ABCC9: variants seen among roughly 807,000 people sequenced by gnomAD.
ABCC9 encodes ATP-binding cassette sub-family C member 9.
ABCC9 carries 95 observed loss-of-function variants against 188.3 expected under a neutral mutation model. The ratio of observed to expected loss-of-function variants is 0.50; its 90% CI spans 0.43 to 0.60. The LOEUF (loss-of-function observed/expected upper bound fraction) is 0.60. Ranked by LOEUF, ABCC9 falls within the 20% of genes least tolerant of loss-of-function variation. ABCC9 has a pLI of 0.00. For missense variants in ABCC9, 1,102 were observed against 1,876.3 expected, an observed-to-expected ratio of 0.59 and a Z score of 7.62; for synonymous variants, 659 against 652.7, an observed-to-expected ratio of 1.01 and a Z score of -0.15.
At chr12:21,803,617 T>G (rs1941632883) in intron 39 of ABCC9, among the ~76,000 whole-genome samples, 1 of 145,310 alleles carries the variant, frequency 6.9e-6, no homozygotes, top group South Asian at 2.2e-4. Flanking sequence ...ATCGAGCCAT[T>G]GCACTCCAGC....
At chr12:21,873,141 A>G (rs1056610316) in intron 17 of ABCC9, among the ~76,000 whole-genome samples, 2 of 151,924 alleles carry the variant, frequency 1.3e-5, no homozygotes, top group Non-Finnish European at 2.9e-5. Flanking sequence ...ATCTGTTCCT[A>G]TTATAAATTT....
chr12:21,808,347 G>A (rs1011865641), intron 37 of ABCC9, among the ~76,000 whole-genome samples: 1 of 152,086 alleles, frequency 6.6e-6, no homozygotes, highest in Non-Finnish European at 1.5e-5. Context: ...TTACTAAGAT[G>A]ATGAGCACCA....
chr12:21,825,282 C>T (rs1943303919), intron 31 of ABCC9, among the ~76,000 whole-genome samples: 1 of 152,174 alleles, frequency 6.6e-6, no homozygotes, highest in Non-Finnish European at 1.5e-5. Flanking sequence ...ACCCAGCAAT[C>T]CCATTACTGG....
chr12:21,877,912 A>G (rs1485538507), intron 16 of ABCC9, among the ~76,000 whole-genome samples: 1 of 152,144 alleles, frequency 6.6e-6, no homozygotes, highest in Non-Finnish European at 1.5e-5. Context: ...CAGCCTGGTT[A>G]TAGATGTGTA....
intron 5 of ABCC9, among the ~76,000 whole-genome samples, chr12:21,919,186 G>T (rs530413605): frequency 1.3e-5 from 2 of 151,630 alleles, no homozygotes; most frequent in Admixed American, 1.3e-4. Flanking sequence ...CAATAGAGAT[G>T]AGTAGAAAGC....
intron 15 of ABCC9, among the ~76,000 whole-genome samples, chr12:21,884,109 T>A (rs1378097495): frequency 6.6e-6 from 1 of 151,516 alleles, no homozygotes; most frequent in East Asian, 1.9e-4. Flanking sequence ...TCTCACTCTG[T>A]CCCCCAGGCT....
chr12:21,820,008 C>T (rs1032251418), intron 31 of ABCC9, among the ~76,000 whole-genome samples: 19 of 152,150 alleles, frequency 1.2e-4, no homozygotes, highest in African/African-American at 3.9e-4. Context: ...AATAACCAGT[C>T]TGGGCTGTTC....
chr12:21,810,595 G>A (rs1358088805), intron 36 of ABCC9, among the ~76,000 whole-genome samples: 1 of 152,062 alleles, frequency 6.6e-6, no homozygotes, highest in Non-Finnish European at 1.5e-5. Flanking sequence ...CAGATCTCAT[G>A]AGAACTCACT....
intron 14 of ABCC9, among the ~76,000 whole-genome samples, chr12:21,890,860 A>AC (rs1947124538): frequency 1.3e-5 from 2 of 152,056 alleles, no homozygotes; most frequent in Admixed American, 1.3e-4. Flanking sequence ...TAGGAGATAT[A>AC]CCTAATGCTA....
chr12:21,847,100 T>C (rs1167566042), intron 25 of ABCC9, among the ~76,000 whole-genome samples: 9 of 152,248 alleles, frequency 5.9e-5, no homozygotes, highest in African/African-American at 2.2e-4. Flanking sequence ...TAATTGGCTC[T>C]TCAACATACA....
intron 4 of ABCC9, among the ~76,000 whole-genome samples, chr12:21,931,665 G>A (rs964105941): frequency 3.9e-5 from 6 of 152,088 alleles, no homozygotes; most frequent in African/African-American, 1.2e-4. Context: ...TCCACATGAT[G>A]TCAAGTTTCA....
At chr12:21,893,547 A>G (rs917303656) in intron 14 of ABCC9, among the ~76,000 whole-genome samples, 7 of 152,264 alleles carry the variant, frequency 4.6e-5, no homozygotes, top group African/African-American at 1.7e-4. Context: ...CAAGGACCTC[A>G]AAGATGTGCA....
At chr12:21,833,414 T>C (rs1943886718) in intron 30 of ABCC9, among the ~76,000 whole-genome samples, 1 of 151,734 alleles carries the variant, frequency 6.6e-6, no homozygotes, top group Non-Finnish European at 1.5e-5. Flanking sequence ...TTTAACATAA[T>C]ATTTTGTTCT....
chr12:21,887,941 A>C lies in ABCC9; in HGVS notation c.1803-7T>G. 1 of 1,600,342 alleles carries C rather than the reference A, an allele frequency of 6.2e-7. No homozygotes were observed. Among genetic ancestry groups the C allele is most frequent in the South Asian group, 1.1e-5 (1 of 90,792 alleles). ...CTCATTCAGCTTTTGAACACTGCAA[A>C]AAACAATAAACACAGAATAAGAGTT... On this transcript the variant is annotated splice_region_variant and splice_polypyrimidine_tract_variant and intron_variant, in intron 14 of 39. Coordinates refer to ENST00000261200, the MANE Select transcript of ABCC9 (RefSeq NM_020297.4).
Position 21,852,141 on chromosome 12 carries a change from G to T in ABCC9, c.2725C>A (p.His909Asn). The T allele has an allele frequency of 2.5e-6, 4 of 1,613,664 alleles. No individual in the cohort carries two copies. The highest frequency in any genetic ancestry group is 3.4e-6 in the Non-Finnish European group (4 of 1,179,870). ...TGCCGATTCATAAGTGTTTTCCAGT[G>T]TTCATAAAGCTCAACATCTTTGGTT... is the stretch of plus-strand genomic sequence containing the variant. ...IQTKDVELYE[H>N]WKTLMNRQDQ... The change falls in exon 24 of 40, where the codon CAC becomes AAC. Residue 909 changes from histidine (H) to asparagine (N), a missense_variant. By Grantham distance (68) the His-to-Asn change is moderately conservative. Transcript: ENST00000261200.
At position 21,845,850 on chromosome 12, in the gene ABCC9, T is replaced by C. The variant is rs1231305461; in HGVS notation, c.2867-18A>G. On this transcript the variant is annotated intron_variant, in intron 25 of 39. Transcript: ENST00000261200. ...TTCTTCCTCTACATACAAAAAACTTTTGTTTAAGCTTCAGATGGGCACCGG... is the reference window on the plus strand; with the variant it reads ...TTCTTCCTCTACATACAAAAAACTTCTGTTTAAGCTTCAGATGGGCACCGG... 6.3e-7 allele frequency: 1 copy of C among 1,598,968 alleles called. No homozygotes were observed. The highest frequency in any genetic ancestry group is 8.5e-7 in the Non-Finnish European group (1 of 1,169,852).
chr12:21,912,763 C>CT, intron 8 of ABCC9, 109 bp downstream of exon 8: 1 of 681,842 alleles, frequency 1.5e-6, no homozygotes, highest in Admixed American at 3.8e-5. Context: ...ATTCAATTCT[C>CT]TGAAAAAAAG....
intron 22 of ABCC9, among the ~76,000 whole-genome samples, chr12:21,855,733 A>G (rs1479074096): frequency 1.3e-5 from 2 of 152,210 alleles, no homozygotes; most frequent in Non-Finnish European, 1.5e-5. Flanking sequence ...AATGTAGTCA[A>G]AGTCTGTAAA....
chr12:21,887,795 A>C (rs374583346), intron 15 of ABCC9, 31 bp downstream of exon 15: 21 of 1,412,646 alleles, frequency 1.5e-5, no homozygotes, highest in Non-Finnish European at 1.8e-5. Context: ...TCCTCTATTC[A>C]CAACTTCCAA....
Sources: allele counts gnomAD v4.1 joint callset (sites outside exome capture counted in the v4.1 genomes callset), GRCh38; gene constraint gnomAD v4.1.1; transcripts MANE v1.5; gene names NCBI Gene and HGNC (gene_info 2026-07-23, HGNC 2026-07-21).